Variants in RNFT2 observed in about 807,000 individuals in gnomAD.
RNFT2 encodes E3 ubiquitin-protein ligase RNFT2.
A neutral mutation model predicts 53.0 loss-of-function variants in RNFT2; 36 were observed. That is an observed-to-expected ratio of 0.68 (90% CI 0.52 to 0.90). RNFT2 has a LOEUF of 0.90. Ranked by LOEUF, RNFT2 falls within the 40% of genes least tolerant of loss-of-function variation. RNFT2 has a pLI of 0.00. For missense variants in RNFT2, 514 were observed against 585.6 expected (o/e 0.88, Z 1.26); for synonymous variants, 260 against 253.2 (o/e 1.03, Z -0.26).
chr12:116,743,746 C>G (rs1592933294), intron 3 of RNFT2, among the ~76,000 whole-genome samples: 2 of 152,274 alleles, frequency 1.3e-5, no homozygotes, highest in East Asian at 3.9e-4. Context: ...TACAGAATCA[C>G]AAATGGTATC....
intron 7 of RNFT2, among the ~76,000 whole-genome samples, chr12:116,829,779 C>T (rs1347825537): frequency 1.3e-5 from 2 of 152,156 alleles, no homozygotes; most frequent in East Asian, 1.9e-4. Flanking sequence ...CAGGGTTTCA[C>T]CATGTTGGCC....
intron 6 of RNFT2, among the ~76,000 whole-genome samples, chr12:116,768,850 C>T (rs1388497339): frequency 2.6e-5 from 4 of 151,612 alleles, no homozygotes; most frequent in Non-Finnish European, 5.9e-5. Context: ...CCTGCCTCAG[C>T]CTCCCAAATA....
intron 8 of RNFT2, 93 bp downstream of exon 8, chr12:116,834,034 T>C: frequency 1.8e-6 from 2 of 1,086,082 alleles, no homozygotes; most frequent in Middle Eastern, 2.4e-4. Context: ...AGAATACCCA[T>C]GCTGATTTAT....
At chr12:116,843,327 TA>T (rs879740804) in intron 10 of RNFT2, among the ~76,000 whole-genome samples, 1 of 151,200 alleles carries the variant, frequency 6.6e-6, no homozygotes, top group Admixed American at 6.6e-5. Context: ...ACCCCAACTC[TA>T]CAAAAAATAC....
At chr12:116,742,137 C>G (rs759237267) in intron 3 of RNFT2, among the ~76,000 whole-genome samples, 1 of 151,980 alleles carries the variant, frequency 6.6e-6, no homozygotes, top group African/African-American at 2.4e-5. Flanking sequence ...GCAGAAAGGA[C>G]CGAGGAAAAA....
chr12:116,847,483 G>A (rs866583997), intron 10 of RNFT2, among the ~76,000 whole-genome samples: 5 of 151,886 alleles, frequency 3.3e-5, no homozygotes, highest in African/African-American at 4.8e-5. Context: ...GCCAGAGAAC[G>A]GTGGAACCCA....
chr12:116,742,455 C>G (rs1053039634), intron 3 of RNFT2, among the ~76,000 whole-genome samples: 9 of 151,772 alleles, frequency 5.9e-5, no homozygotes, highest in South Asian at 4.2e-4. Flanking sequence ...TTTGTAGGGA[C>G]AGGGTTTTGT....
Position 116,852,201 on chromosome 12 carries a change from A to T in RNFT2, c.*2753A>T. ...AACCTCAGCACAACAGGCTGGCGCC[A>T]ATGGCATTACAGAGAAAGCAATCTG... On this transcript the variant is annotated 3_prime_UTR_variant, in exon 11 of 11. Coordinates refer to ENST00000257575, the MANE Select transcript of RNFT2 (RefSeq NM_001382266.1). The T allele has an allele frequency of 8.0e-7, 1 of 1,246,436 alleles. No homozygotes were observed. Among genetic ancestry groups the T allele is most frequent in the Non-Finnish European group, 1.0e-6 (1 of 967,516 alleles). 77.2% of individuals were successfully genotyped at this position (1,246,436 alleles called of 1,614,324 possible).
intron 7 of RNFT2, among the ~76,000 whole-genome samples, chr12:116,787,134 C>T (rs972404163): frequency 6.6e-6 from 1 of 152,212 alleles, no homozygotes; most frequent in South Asian, 2.1e-4. Flanking sequence ...TCCTTTACTA[C>T]ACTGAGGCTG....
At chr12:116,802,092 C>T (rs1421125355) in intron 7 of RNFT2, among the ~76,000 whole-genome samples, 1 of 152,120 alleles carries the variant, frequency 6.6e-6, no homozygotes, top group Non-Finnish European at 1.5e-5. Context: ...AAAGTGGTGA[C>T]TTAAAGGTGT....
At chr12:116,760,502 C>T (rs1306909257) in intron 5 of RNFT2, among the ~76,000 whole-genome samples, 1 of 152,226 alleles carries the variant, frequency 6.6e-6, no homozygotes, top group Non-Finnish European at 1.5e-5. Flanking sequence ...CCAGTGAGCT[C>T]CCAGGGCCTT....
intron 7 of RNFT2, among the ~76,000 whole-genome samples, chr12:116,801,804 T>TTTTGTTTG (rs150647298): frequency 4.1e-5 from 6 of 148,118 alleles, no homozygotes; most frequent in Non-Finnish European, 7.4e-5. Flanking sequence ...GTGGGGTTTT[T>TTTTGTTTG]TTTGTTTGTT....
intron 7 of RNFT2, chr12:116,800,895 G>A (rs1432160354): frequency 1.3e-5 from 2 of 149,284 alleles, no homozygotes; most frequent in Non-Finnish European, 3.0e-5. Context: ...GGCTCAGGGA[G>A]GCTAACCAGT....
chr12:116,783,567 G>A (rs1240858390), intron 7 of RNFT2, among the ~76,000 whole-genome samples: 7 of 152,254 alleles, frequency 4.6e-5, no homozygotes, highest in African/African-American at 1.4e-4. Context: ...GCAGGCACAA[G>A]GCACATCATC....
intron 7 of RNFT2, among the ~76,000 whole-genome samples, chr12:116,818,143 C>A (rs958358775): frequency 1.1e-4 from 16 of 151,940 alleles, no homozygotes; most frequent in Non-Finnish European, 2.2e-4. Context: ...CAGGGGAGAC[C>A]CCCTCTCTAC....
rs753636513 is a variant in RNFT2, at chr12:116,766,906, G to A, written c.720G>A (p.Leu240=). The part of the protein sequence containing the change: ...YVLYTFSSQQ[L]YNSLIFLKPN... ...TTTATACATTCAGCTCCCAGCAGCT[G>A]TACAACAGGTGAGCATGGGAATCCA... The change falls in exon 6 of 11, where the codon CTG becomes CTA. Residue 240 remains leucine (L), a synonymous_variant. Transcript: ENST00000257575. 49 of 1,580,600 alleles carry A rather than the reference G, an allele frequency of 3.1e-5. No homozygotes were observed. Among genetic ancestry groups the A allele is most frequent in the South Asian group, 3.0e-4 (26 of 86,352 alleles).
intron 7 of RNFT2, among the ~76,000 whole-genome samples, chr12:116,809,034 T>G (rs566695242): frequency 6.6e-6 from 1 of 152,220 alleles, no homozygotes; most frequent in Non-Finnish European, 1.5e-5. Context: ...TATAACTGGA[T>G]GCACAGGGCC....
chr12:116,823,406 A>G (rs1357483311), intron 7 of RNFT2, among the ~76,000 whole-genome samples: 1 of 152,202 alleles, frequency 6.6e-6, no homozygotes, highest in Non-Finnish European at 1.5e-5. Flanking sequence ...AAATCAGGCC[A>G]AGCGTGGTAG....
At chr12:116,767,025 C>CATG (rs1423765714) in intron 6 of RNFT2, 111 bp downstream of exon 6, 1 of 690,012 alleles carries the variant, frequency 1.4e-6, no homozygotes, top group African/African-American at 1.8e-5. Context: ...CATGTTGTAA[C>CATG]TTCCAAATTC....
Sources: allele counts gnomAD v4.1 joint callset (sites outside exome capture counted in the v4.1 genomes callset), GRCh38; gene constraint gnomAD v4.1.1; transcripts MANE v1.5; gene names NCBI Gene and HGNC (gene_info 2026-07-23, HGNC 2026-07-21).